The following FAF1 variants were observed in gnomAD, a reference collection of about 807,000 sequenced individuals.
FAF1 encodes Fas associated factor 1, also known as FAS-associated factor 1.
FAF1 carries 25 observed loss-of-function variants against 92.5 expected under a neutral mutation model. The ratio of observed to expected loss-of-function variants is 0.27; its 90% CI spans 0.20 to 0.38. The LOEUF is 0.38. Among genes scored for constraint, FAF1 ranks in the 10% least tolerant of loss-of-function variants. The probability of loss-of-function intolerance (pLI) is 1.00; values close to 1 mark genes in which losing one functional copy is unlikely to be tolerated. For synonymous variants in FAF1, 234 were observed against 273.2 expected, an observed-to-expected ratio of 0.86 and a Z score of 1.42; for missense variants, 636 against 793.3, an observed-to-expected ratio of 0.80 and a Z score of 2.38.
At chr1:50,796,212 AACACACAC>A (rs59114947) in intron 3 of FAF1, among the ~76,000 whole-genome samples, 2 of 151,036 alleles carry the variant, frequency 1.3e-5, no homozygotes, top group Non-Finnish European at 3.0e-5. Context: ...CAAACACACA[AACACACAC>A]ACACACACCC....
intron 18 of FAF1, among the ~76,000 whole-genome samples, chr1:50,442,833 G>A (rs1303618011): frequency 6.6e-6 from 1 of 152,184 alleles, no homozygotes; most frequent in Non-Finnish European, 1.5e-5. Flanking sequence ...GTATGCTCAG[G>A]AGGGTCTTTA....
At chr1:50,501,404 C>T (rs952255873) in intron 15 of FAF1, among the ~76,000 whole-genome samples, 2 of 152,184 alleles carry the variant, frequency 1.3e-5, no homozygotes, top group African/African-American at 4.8e-5. Flanking sequence ...GTGGCTCACG[C>T]CTGTAATCTC....
chr1:50,686,560 G>GGGAGGGAAGA (rs1359412958), intron 7 of FAF1, among the ~76,000 whole-genome samples: 2 of 147,450 alleles, frequency 1.4e-5, no homozygotes, highest in Non-Finnish European at 3.0e-5. Flanking sequence ...AGGAGGGGAG[G>GGGAGGGAAGA]GGAGGGAAGA....
intron 1 of FAF1, among the ~76,000 whole-genome samples, chr1:50,934,418 AT>A (rs1473232651): frequency 6.6e-6 from 1 of 152,162 alleles, no homozygotes; most frequent in Non-Finnish European, 1.5e-5. Flanking sequence ...ATCTTCTCAT[AT>A]TTGATCATAT....
intron 18 of FAF1, among the ~76,000 whole-genome samples, chr1:50,474,113 A>G (rs1572768011): frequency 6.6e-6 from 1 of 152,360 alleles, no homozygotes; most frequent in East Asian, 1.9e-4. Context: ...CCTTTCTTAG[A>G]AAATGCTTTG....
intron 13 of FAF1, among the ~76,000 whole-genome samples, chr1:50,554,390 TAGAGAGAG>T (rs34360366): frequency 1.1e-5 from 1 of 93,706 alleles, no homozygotes. Context: ...TATATATATA[TAGAGAGAG>T]AGAGAGAGAG....
chr1:50,684,950 G>A lies in FAF1; in HGVS notation c.657+20836C>T, dbSNP rs189699552. Among the ~76,000 whole-genome samples, 40 of 152,282 alleles carry A rather than the reference G, an allele frequency of 2.6e-4. No individual in the cohort carries two copies. In the East Asian group the frequency reaches 7.3e-3, roughly 28 times the overall value. ...GCCTAAACCAATTATACAAATGAAT[G>A]TTGTATGAGGCACAATATCACTGTG... On this transcript the variant is annotated intron_variant, in intron 7 of 18. Transcript: ENST00000396153.
chr1:50,478,368 G>T (rs1191580791), intron 17 of FAF1, among the ~76,000 whole-genome samples: 1 of 151,988 alleles, frequency 6.6e-6, no homozygotes, highest in Non-Finnish European at 1.5e-5. Context: ...TTGCCATGTT[G>T]GCCAGGCTGG....
intron 12 of FAF1, among the ~76,000 whole-genome samples, chr1:50,577,307 C>T (rs1292276142): frequency 6.6e-6 from 1 of 152,118 alleles, no homozygotes; most frequent in Non-Finnish European, 1.5e-5. Context: ...GGTGGATCAC[C>T]TGAGGTCAGG....
chr1:50,701,817 C>T (rs1336528601), intron 7 of FAF1, among the ~76,000 whole-genome samples: 2 of 151,998 alleles, frequency 1.3e-5, no homozygotes, highest in South Asian at 2.1e-4. Context: ...TTTACTACTC[C>T]CTGCAAGATA....
intron 1 of FAF1, among the ~76,000 whole-genome samples, chr1:50,891,988 A>C (rs934540374): frequency 6.6e-6 from 1 of 152,116 alleles, no homozygotes; most frequent in Non-Finnish European, 1.5e-5. Context: ...GGCCTCCTTG[A>C]GCTGCAGTGG....
At chr1:50,931,463 G>C (rs967844114) in intron 1 of FAF1, among the ~76,000 whole-genome samples, 8 of 152,180 alleles carry the variant, frequency 5.3e-5, no homozygotes, top group Non-Finnish European at 1.2e-4. Context: ...ATCATGACAG[G>C]AGGTGAAAGG....
At chr1:50,936,986 A>G (rs1645090228) in intron 1 of FAF1, among the ~76,000 whole-genome samples, 1 of 152,122 alleles carries the variant, frequency 6.6e-6, no homozygotes, top group Non-Finnish European at 1.5e-5. Context: ...AAACCAATGG[A>G]GCAAATTCCT....
chr1:50,595,909 G>A lies in FAF1; in HGVS notation c.840+212C>T, dbSNP rs549603822. On this transcript the variant is annotated intron_variant, in intron 9 of 18. Transcript: ENST00000396153. Reference sequence around the variant, plus strand: ...ATTTCAACCAATCCATCTGAATTCCGTCTGTTGAAACATGAAACTAACAGA... The same window carrying A: ...ATTTCAACCAATCCATCTGAATTCCATCTGTTGAAACATGAAACTAACAGA... Among the ~76,000 whole-genome samples, 6 of 152,198 alleles carry A rather than the reference G, an allele frequency of 3.9e-5. 1 individual carries two copies. The South Asian group carries it at 8.3e-4, about 21-fold the overall frequency.
At chr1:50,852,470 C>G (rs1644358766) in intron 2 of FAF1, among the ~76,000 whole-genome samples, 1 of 151,946 alleles carries the variant, frequency 6.6e-6, no homozygotes, top group South Asian at 2.1e-4. Context: ...TATTTGAAAA[C>G]AAAGCAGAAA....
intron 18 of FAF1, among the ~76,000 whole-genome samples, chr1:50,458,159 G>A (rs772784707): frequency 3.9e-5 from 6 of 152,188 alleles, no homozygotes; most frequent in Non-Finnish European, 7.3e-5. Context: ...GTTGCAGTGA[G>A]CTGAGATTGA....
At chr1:50,622,739 T>C (rs1390147679) in intron 8 of FAF1, among the ~76,000 whole-genome samples, 1 of 152,142 alleles carries the variant, frequency 6.6e-6, no homozygotes, top group African/African-American at 2.4e-5. Flanking sequence ...CCAGTATTTA[T>C]TGGACACCTA....
chr1:50,783,379 C>T (rs1466726499), intron 4 of FAF1, among the ~76,000 whole-genome samples: 1 of 152,116 alleles, frequency 6.6e-6, no homozygotes, highest in Admixed American at 6.5e-5. Context: ...ACATCAATAC[C>T]AAAGCCAAAG....
At chr1:50,860,251 A>G (rs1339310809) in intron 1 of FAF1, among the ~76,000 whole-genome samples, 1 of 152,022 alleles carries the variant, frequency 6.6e-6, no homozygotes, top group Non-Finnish European at 1.5e-5. Flanking sequence ...CAAAATTGAC[A>G]AGTTAGACCT....
Sources: gnomAD v4.1 joint callset for allele counts (sites outside exome capture counted in the v4.1 genomes callset) on GRCh38, gnomAD v4.1.1 for gene constraint, MANE v1.5 for transcripts, NCBI Gene and HGNC (gene_info 2026-07-23, HGNC 2026-07-21) for gene names.